CGNL1: variants seen among roughly 807,000 people sequenced by gnomAD.
CGNL1 encodes cingulin-like protein 1.
In CGNL1, 132 loss-of-function variants were observed where a neutral mutation model predicts 141.2. The observed-to-expected ratio is 0.93, with a 90% CI of 0.81 to 1.08. The LOEUF is 1.08. Among genes scored for constraint, CGNL1 ranks in the 50% least tolerant of loss-of-function variants. The pLI is 0.00. For synonymous variants in CGNL1, 690 were observed against 622.1 expected (o/e 1.11, Z -1.63); for missense variants, 1,870 against 1,588.6 (o/e 1.18, Z -3.01).
intron 1 of CGNL1, among the ~76,000 whole-genome samples, chr15:57,412,135 G>A (rs1420204677): frequency 1.3e-5 from 2 of 152,200 alleles, no homozygotes; most frequent in African/African-American, 2.4e-5. Context: ...GGCATCAGAC[G>A]GGTGCTGGTG....
Position 57,414,131 on chromosome 15 carries a change from G to C in CGNL1, c.-15-23854G>C, listed in dbSNP as rs923215650. Among the ~76,000 whole-genome samples, 6 of 152,324 alleles carry C rather than the reference G, an allele frequency of 3.9e-5. No homozygotes were observed. In the South Asian group the frequency reaches 1.2e-3, roughly 32 times the overall value. On this transcript the variant is annotated intron_variant, in intron 1 of 18. Coordinates refer to ENST00000281282, the MANE Select transcript of CGNL1 (RefSeq NM_032866.5). ...GACTCTTGGTGATCAGCCTCAAGCA[G>C]AGGGGGCTGCCTACATCAGCTGGGC...
intron 8 of CGNL1, among the ~76,000 whole-genome samples, chr15:57,467,127 G>A (rs959400392): frequency 1.3e-5 from 2 of 152,182 alleles, no homozygotes; most frequent in Non-Finnish European, 2.9e-5. Flanking sequence ...AGGGCATCGT[G>A]CTAAGTTCGT....
intron 7 of CGNL1, among the ~76,000 whole-genome samples, chr15:57,461,307 G>A (rs147725943): frequency 5.3e-5 from 8 of 152,266 alleles, no homozygotes; most frequent in East Asian, 1.9e-4. Flanking sequence ...GCAAGCTGGC[G>A]TGCCCCCGTG....
intron 1 of CGNL1, among the ~76,000 whole-genome samples, chr15:57,413,304 G>T (rs2062813509): frequency 1.7e-5 from 2 of 120,088 alleles, no homozygotes; most frequent in East Asian, 5.9e-4. Flanking sequence ...ACAGGGTCTT[G>T]CTCTGTGGCC....
intron 8 of CGNL1, among the ~76,000 whole-genome samples, chr15:57,504,143 G>T (rs867698335): frequency 6.6e-6 from 1 of 151,918 alleles, no homozygotes; most frequent in Non-Finnish European, 1.5e-5. Context: ...GATGATGAGG[G>T]TTAGCAGAAT....
chr15:57,421,191 G>C (rs778206465), intron 1 of CGNL1, among the ~76,000 whole-genome samples: 1 of 152,188 alleles, frequency 6.6e-6, no homozygotes, highest in Non-Finnish European at 1.5e-5. Flanking sequence ...CAGGAAGAGA[G>C]CCCTCACCAG....
intron 8 of CGNL1, among the ~76,000 whole-genome samples, chr15:57,490,830 A>G (rs1434087940): frequency 1.3e-5 from 2 of 152,150 alleles, no homozygotes. Flanking sequence ...TTCAGCATCA[A>G]TCACATTGAT....
At chr15:57,479,165 AC>A (rs1156729566) in intron 8 of CGNL1, among the ~76,000 whole-genome samples, 1 of 152,094 alleles carries the variant, frequency 6.6e-6, no homozygotes, top group Non-Finnish European at 1.5e-5. Context: ...ATTGGCTGGC[AC>A]CTTTATCCAG....
At chr15:57,400,074 G>C (rs2062642998) in intron 1 of CGNL1, among the ~76,000 whole-genome samples, 1 of 151,030 alleles carries the variant, frequency 6.6e-6, no homozygotes, top group Admixed American at 6.6e-5. Flanking sequence ...GCTCACTGCA[G>C]CTTCAAACTC....
In CGNL1 at chr15:57,550,615, G is replaced by T. The variant is rs2033069765; in HGVS notation, c.*3125G>T. The T allele has an allele frequency of 6.5e-6, 1 of 152,728 alleles. No individual in the cohort carries two copies. Among genetic ancestry groups the T allele is most frequent in the South Asian group, 2.1e-4 (1 of 4,824 alleles). The allele number at this position is 152,728 out of a possible 1,614,324, so 9.5% of individuals were successfully genotyped here. On this transcript the variant is annotated 3_prime_UTR_variant, in exon 19 of 19. Coordinates refer to ENST00000281282, the MANE Select transcript of CGNL1 (RefSeq NM_032866.5). ...TTTAGGGTATGGTTTGGTCGCTTTGGTTGTCATGAGAAAGAGACATTCTCC... is the reference window on the plus strand; with the variant it reads ...TTTAGGGTATGGTTTGGTCGCTTTGTTTGTCATGAGAAAGAGACATTCTCC...
chr15:57,492,169 T>C (rs941158048), intron 8 of CGNL1, among the ~76,000 whole-genome samples: 2 of 152,236 alleles, frequency 1.3e-5, no homozygotes, highest in Non-Finnish European at 2.9e-5. Context: ...ATTTATCAAC[T>C]AAAGCCTTAG....
chr15:57,393,754 T>A (rs2062568856), intron 1 of CGNL1, among the ~76,000 whole-genome samples: 1 of 152,134 alleles, frequency 6.6e-6, no homozygotes, highest in African/African-American at 2.4e-5. Flanking sequence ...GATCTTAGTA[T>A]ATATCCTTAT....
rs574116346 is a variant in CGNL1 at position 57,384,191 on chromosome 15, C to T, written c.-16+7624C>T. On this transcript the variant is annotated intron_variant, in intron 1 of 18. Transcript: ENST00000281282. ...TTGCTCATGGCATGACTGCTTCTCC[C>T]TGCAGGCCTGAGTCCAACTTTCTGG... Among the ~76,000 whole-genome samples, 5 of 152,230 alleles carry T rather than the reference C, an allele frequency of 3.3e-5. No individual in the cohort carries two copies. In the East Asian group the frequency reaches 9.7e-4, roughly 29 times the overall value.
At chr15:57,512,396 G>A (rs7164486) in intron 8 of CGNL1, among the ~76,000 whole-genome samples, 29,375 of 152,010 alleles carry the variant, frequency 0.19, 3,426 homozygotes, top group East Asian at 0.46. Flanking sequence ...GGGGTGTGGG[G>A]GCATGAAAAT....
At chr15:57,400,371 G>A (rs1348351229) in intron 1 of CGNL1, among the ~76,000 whole-genome samples, 1 of 152,128 alleles carries the variant, frequency 6.6e-6, no homozygotes, top group African/African-American at 2.4e-5. Flanking sequence ...TTATGCTTTT[G>A]TTGCTTCTAC....
In CGNL1 at chr15:57,528,772, G is replaced by T. The variant is rs2031777514; in HGVS notation, c.3158G>T (p.Ser1053Ile). The change falls in exon 13 of 19, where the codon AGT becomes ATT. Residue 1053 changes from serine to isoleucine, a missense_variant. Coordinates refer to ENST00000281282, the MANE Select transcript of CGNL1 (RefSeq NM_032866.5). The stretch of plus-strand genomic sequence containing the variant: ...CTGGAGTATGAGCTGGAAGCCAAGA[G>T]TCACCTCAAAGATGACCGCAGCAGG... ...KDLEYELEAKSHLKDDRSRLV... is the reference protein window; with the variant it reads ...KDLEYELEAKIHLKDDRSRLV... The T allele has an allele frequency of 3.1e-6, 5 of 1,614,148 alleles. No individual in the cohort carries two copies. The highest frequency in any genetic ancestry group is 4.2e-6 in the Non-Finnish European group (5 of 1,180,030).
intron 12 of CGNL1, among the ~76,000 whole-genome samples, chr15:57,525,120 G>C (rs549006387): frequency 6.6e-6 from 1 of 152,318 alleles, no homozygotes; most frequent in South Asian, 2.1e-4. Flanking sequence ...TACAGTAACT[G>C]ACTGTTTTTT....
At chr15:57,416,240 C>A (rs535935386) in intron 1 of CGNL1, among the ~76,000 whole-genome samples, 1 of 148,124 alleles carries the variant, frequency 6.8e-6, no homozygotes, top group South Asian at 2.2e-4. Context: ...AGTGTAACAA[C>A]TTCTAGCCTC....
chr15:57,522,947 A>G (rs377209717), intron 10 of CGNL1, among the ~76,000 whole-genome samples: 11 of 152,264 alleles, frequency 7.2e-5, no homozygotes, highest in East Asian at 3.9e-4. Context: ...TCTGAGTCCA[A>G]TTCATGGATT....
Sources: allele counts gnomAD v4.1 joint callset (sites outside exome capture counted in the v4.1 genomes callset), GRCh38; gene constraint gnomAD v4.1.1; transcripts MANE v1.5; gene names NCBI Gene and HGNC (gene_info 2026-07-23, HGNC 2026-07-21).